Variants in COL12A1 observed in about 807,000 individuals in gnomAD.
COL12A1 encodes the protein collagen type XII alpha 1 chain, also known as collagen alpha-1(XII) chain.
Under a neutral mutation model 349.7 loss-of-function variants are expected in COL12A1, and 114 were observed. That is an observed-to-expected ratio of 0.33 (90% CI 0.28 to 0.38). COL12A1 has a LOEUF of 0.38. Among genes scored for constraint, COL12A1 ranks in the 10% least tolerant of loss-of-function variants. The probability of loss-of-function intolerance (pLI) is 1.00; values close to 1 mark genes in which losing one functional copy is unlikely to be tolerated. For synonymous variants in COL12A1, 1,369 were observed against 1,329.0 expected (o/e 1.03, Z -0.66); for missense variants, 3,284 against 3,756.9 (o/e 0.87, Z 3.29).
rs1182339645 is a variant in COL12A1 at position 75,124,085 on chromosome 6, C to A, written c.6734G>T (p.Gly2245Val). ...TGATCCACGCACTGTAATTTCTTGTCCCCTTGTTCCTGATTATGACAACAA... is the reference window on the plus strand; with the variant it reads ...TGATCCACGCACTGTAATTTCTTGTACCCTTGTTCCTGATTATGACAACAA... The part of the protein sequence containing the change: ...LKLSPADGTR[G>V]QEITVRGSET... Residue 2245 changes from glycine (G) to valine (V), a missense_variant, in exon 42 of 66, where the codon GGA becomes GTA. Physicochemically the swap from Gly to Val is moderately radical, Grantham distance 109. This residue lies in a region of COL12A1 where 2,601 missense variants were observed against 2,824.8 expected (regional missense o/e 0.92). Coordinates refer to ENST00000322507, the MANE Select transcript of COL12A1 (RefSeq NM_004370.6). 1.9e-6 allele frequency: 3 copies of A among 1,612,770 alleles called. No individual in the cohort carries two copies. In the South Asian group the frequency reaches 3.3e-5, roughly 18 times the overall value.
chr6:75,091,185 G>T, intron 62 of COL12A1, 138 bp downstream of exon 62: 1 of 669,154 alleles, frequency 1.5e-6, no homozygotes, highest in Middle Eastern at 4.1e-4. Flanking sequence ...ATACAAAACT[G>T]ACAATGTATA....
intron 23 of COL12A1, among the ~76,000 whole-genome samples, chr6:75,146,524 T>C (rs1371116508): frequency 1.3e-5 from 2 of 152,212 alleles, no homozygotes; most frequent in African/African-American, 2.4e-5. Context: ...CTACAATAGA[T>C]ACCAACTTCC....
intron 23 of COL12A1, among the ~76,000 whole-genome samples, chr6:75,147,313 A>G (rs2149408661): frequency 6.6e-6 from 1 of 152,350 alleles, no homozygotes; most frequent in East Asian, 1.9e-4. Context: ...TCAACATATA[A>G]CAACAGAGTA....
rs578068212 is a variant in COL12A1, at chr6:75,123,276, A to G, written c.6946+54T>C. Reference sequence around the variant, plus strand: ...AAATGATGCACATGCAGCGTAAATAAGAAGTCTGTAACTCCCTATCAGCTG... The same window carrying G: ...AAATGATGCACATGCAGCGTAAATAGGAAGTCTGTAACTCCCTATCAGCTG... On this transcript the variant is annotated intron_variant, in intron 43 of 65. Transcript: ENST00000322507. 10 of 1,407,486 alleles carry G rather than the reference A, an allele frequency of 7.1e-6. No homozygotes were observed. The Admixed American group carries it at 1.4e-4, about 20-fold the overall frequency. The allele number at this position is 1,407,486 out of a possible 1,614,324, so 87.2% of individuals were successfully genotyped here.
chr6:75,090,167 C>T lies in COL12A1; in HGVS notation c.8884G>A (p.Gly2962Arg). The T allele has an allele frequency of 2.5e-6, 4 of 1,614,128 alleles. No homozygotes were observed. Among genetic ancestry groups the T allele is most frequent in the Non-Finnish European group, 3.4e-6 (4 of 1,180,008 alleles). Residue 2962 changes from glycine (G) to arginine (R), a missense_variant, in exon 63 of 66, where the codon GGG (glycine) becomes AGG (arginine). Around this residue, in one of 2 missense-constraint regions of COL12A1, gnomAD observed 683 missense variants for 932.1 expected, o/e 0.73. Transcript: ENST00000322507. This position sits in a 1 kb window ranked among gnomAD's most constrained non-coding sequence, Gnocchi z 4.1. Reference sequence around the variant, plus strand: ...GTGCCCGGGAAGCCTGGCCGCCCCCCAGGCCCAGGTTCTCCTCTGGCTCCT... The same window carrying T: ...GTGCCCGGGAAGCCTGGCCGCCCCCTAGGCCCAGGTTCTCCTCTGGCTCCT... Reference protein sequence around the residue: ...SAGARGEPGPGGRPGFPGTPG... With the variant: ...SAGARGEPGPRGRPGFPGTPG...
At chr6:75,105,129 G>A (rs1461573052) in intron 54 of COL12A1, 77 bp downstream of exon 54, 16 of 1,211,328 alleles carry the variant, frequency 1.3e-5, no homozygotes, top group Non-Finnish European at 1.9e-5. Context: ...GTATTTTACT[G>A]ACTCCATATT....
Position 75,156,750 on chromosome 6 carries a change from T to C in COL12A1, c.2984-227A>G, listed in dbSNP as rs139818671. On this transcript the variant is annotated intron_variant, in intron 14 of 65. Transcript: ENST00000322507. ...TCTAGCTAATACTAAAAAATGGAAGTTCATATTGCAGAGATTTCCTATTTG... is the reference window on the plus strand; with the variant it reads ...TCTAGCTAATACTAAAAAATGGAAGCTCATATTGCAGAGATTTCCTATTTG... Among the ~76,000 whole-genome samples, 200 of 152,280 alleles carry C rather than the reference T, an allele frequency of 1.3e-3. 1 individual carries two copies. The highest frequency in any genetic ancestry group is 4.4e-3 in the African/African-American group (182 of 41,554).
At chr6:75,144,878 C>T (rs934948367) in intron 25 of COL12A1, among the ~76,000 whole-genome samples, 8 of 152,220 alleles carry the variant, frequency 5.3e-5, no homozygotes, top group Non-Finnish European at 7.3e-5. Flanking sequence ...CACAGAGTTT[C>T]TACATCAACA....
chr6:75,177,161 G>A (rs908616889), intron 12 of COL12A1, among the ~76,000 whole-genome samples: 1 of 152,110 alleles, frequency 6.6e-6, no homozygotes, highest in Non-Finnish European at 1.5e-5. Flanking sequence ...ACAAGGCCGG[G>A]CGTGGTGGCT....
At chr6:75,120,769 T>C (rs180777405) in intron 44 of COL12A1, among the ~76,000 whole-genome samples, 26 of 152,296 alleles carry the variant, frequency 1.7e-4, no homozygotes, top group African/African-American at 5.3e-4. Flanking sequence ...ATAACAAATA[T>C]ATTTGGAGTG....
At chr6:75,089,964 T>G (rs570115863) in intron 63 of COL12A1, 146 bp downstream of exon 63, 1 of 729,940 alleles carries the variant, frequency 1.4e-6, no homozygotes, top group East Asian at 2.6e-5. Flanking sequence ...GGCCTATGAG[T>G]TGCCTAACAG....
At chr6:75,110,360 C>T (rs1302246324) in intron 51 of COL12A1, among the ~76,000 whole-genome samples, 1 of 152,020 alleles carries the variant, frequency 6.6e-6, no homozygotes, top group East Asian at 1.9e-4. Flanking sequence ...TCATTGAATG[C>T]TAACCATAGA....
At chr6:75,156,031 A>G (rs1273805966) in intron 15 of COL12A1, among the ~76,000 whole-genome samples, 177 bp from the exon 16 acceptor site, 1 of 152,234 alleles carries the variant, frequency 6.6e-6, no homozygotes. Context: ...AGTGTAAATA[A>G]TTCTCACAAT....
rs1767381319 is a variant in COL12A1, at chr6:75,084,411, T to C, written c.*2136A>G. On this transcript the variant is annotated 3_prime_UTR_variant, in exon 66 of 66. Coordinates refer to ENST00000322507, the MANE Select transcript of COL12A1 (RefSeq NM_004370.6). ...GGCAGTGAAATTCACAATCTGCAGT[T>C]AAAATATAAAAGCAGCAATTCTATG... 1 of 152,660 alleles carries C rather than the reference T, an allele frequency of 6.6e-6. No individual in the cohort carries two copies. The allele number at this position is 152,660 out of a possible 1,614,324, so 9.5% of individuals were successfully genotyped here. A position where few individuals can be genotyped will look rare whatever the true frequency, so the allele number is the denominator to read the frequency against.
chr6:75,125,109 A>T lies in COL12A1; in HGVS notation c.6607+18T>A. 6.4e-7 allele frequency: 1 copy of T among 1,561,288 alleles called. No individual in the cohort carries two copies. The highest frequency in any genetic ancestry group is 8.7e-7 in the Non-Finnish European group (1 of 1,154,120). ...TACTACAGTTTTTCTCACAACCATGAAAATATCCATGACTCACATGTAGTG... is the reference window on the plus strand; with the variant it reads ...TACTACAGTTTTTCTCACAACCATGTAAATATCCATGACTCACATGTAGTG... On this transcript the variant is annotated intron_variant, in intron 40 of 65. Transcript: ENST00000322507.
rs1362819622 is a variant in COL12A1 at position 75,175,288 on chromosome 6, T to C, written c.2460A>G (p.Leu820=). 3 of 1,614,012 alleles carry C rather than the reference T, an allele frequency of 1.9e-6. No individual in the cohort carries two copies. In the Admixed American group the frequency reaches 5.0e-5, roughly 27 times the overall value. The change falls in exon 13 of 66, where the codon TTA becomes TTG. Residue 820 remains leucine, a synonymous_variant. Coordinates refer to ENST00000322507, the MANE Select transcript of COL12A1 (RefSeq NM_004370.6). ...TAGACGTCGTAGGGTCAGAAACTCT[T>C]AAGTCTCTTGGATTCCCTCTAACTT... The part of the protein sequence containing the change: ...TEEVRGNPRD[L]RVSDPTTSTM...
Position 75,131,978 on chromosome 6 carries a change from C to T in COL12A1, c.5899G>A (p.Val1967Met), listed in dbSNP as rs745630449. The T allele has an allele frequency of 3.1e-6, 5 of 1,614,028 alleles. No homozygotes were observed. The African/African-American group carries it at 6.7e-5, about 22-fold the overall frequency. Residue 1967 changes from valine (V) to methionine (M), a missense_variant, in exon 35 of 66, where the codon GTG becomes ATG. This residue lies in a region of COL12A1 where 2,601 missense variants were observed against 2,824.8 expected (regional missense o/e 0.92). Transcript: ENST00000322507. Reference protein sequence around the residue: ...APGPVLQYRVVYSPVDGTRPS... With the variant: ...APGPVLQYRVMYSPVDGTRPS... ...CTTGTGCCATCCACAGGAGAATACACAACGCGATATTGCAGCACAGGTCCT... is the reference window on the plus strand; with the variant it reads ...CTTGTGCCATCCACAGGAGAATACATAACGCGATATTGCAGCACAGGTCCT...
intron 44 of COL12A1, among the ~76,000 whole-genome samples, chr6:75,120,148 AT>A (rs541247873): frequency 3.3e-5 from 5 of 152,016 alleles, no homozygotes; most frequent in South Asian, 4.1e-4. Context: ...TATGATCAGT[AT>A]TTTTTTTAGA....
At chr6:75,178,049 T>C (rs748325426) in intron 11 of COL12A1, 114 bp from the exon 12 acceptor site, 25 of 1,004,146 alleles carry the variant, frequency 2.5e-5, no homozygotes, top group South Asian at 1.9e-4. Context: ...AAGAAATCCA[T>C]GAGCAATTTA....
Sources: gnomAD v4.1 joint callset for allele counts (sites outside exome capture counted in the v4.1 genomes callset) on GRCh38, gnomAD v4.1.1 for gene constraint, gnomAD v4.1.1 regional missense constraint, Gnocchi (gnomAD v3.1) non-coding constraint, MANE v1.5 for transcripts, NCBI Gene and HGNC (gene_info 2026-07-23, HGNC 2026-07-21) for gene names.